The following NKAIN2 variants were observed in gnomAD, a reference collection of about 807,000 sequenced individuals.
NKAIN2 encodes sodium/potassium-transporting ATPase subunit beta-1-interacting protein 2.
A neutral mutation model predicts 32.6 loss-of-function variants in NKAIN2; 14 were observed. That is an observed-to-expected ratio of 0.43 (90% CI 0.28 to 0.67). The LOEUF (loss-of-function observed/expected upper bound fraction) is 0.67, where lower values mean the gene tolerates loss of function less well. Among genes scored for constraint, NKAIN2 ranks in the 30% least tolerant of loss-of-function variants. The probability of loss-of-function intolerance (pLI) is 0.17; values close to 1 mark genes in which losing one functional copy is unlikely to be tolerated. For synonymous variants in NKAIN2, 80 were observed against 87.2 expected (o/e 0.92, Z 0.46); for missense variants, 198 against 258.3 (o/e 0.77, Z 1.60).
chr6:124,565,830 T>A (rs1023185729), intron 3 of NKAIN2, among the ~76,000 whole-genome samples: 2 of 152,200 alleles, frequency 1.3e-5, no homozygotes, highest in African/African-American at 4.8e-5. Context: ...ATATCTTATT[T>A]ACAGAAGGAT....
intron 1 of NKAIN2, among the ~76,000 whole-genome samples, chr6:123,854,594 C>A (rs369566483): frequency 6.6e-6 from 1 of 152,114 alleles, no homozygotes. Flanking sequence ...GTTTCACATA[C>A]GTTATTACAT....
At chr6:123,956,383 C>G (rs1777591926) in intron 1 of NKAIN2, among the ~76,000 whole-genome samples, 1 of 152,098 alleles carries the variant, frequency 6.6e-6, no homozygotes. Flanking sequence ...GGGTGGGACC[C>G]TAACCCAATA....
chr6:124,473,015 T>A (rs1777038747), intron 3 of NKAIN2, among the ~76,000 whole-genome samples: 1 of 152,116 alleles, frequency 6.6e-6, no homozygotes, highest in Non-Finnish European at 1.5e-5. Context: ...TGATTATACA[T>A]CCAACCAGAC....
chr6:123,897,571 G>T (rs1456827959), intron 1 of NKAIN2, among the ~76,000 whole-genome samples: 1 of 152,102 alleles, frequency 6.6e-6, no homozygotes, highest in Non-Finnish European at 1.5e-5. Flanking sequence ...GGGCTGAGAT[G>T]CAGTGTGCAC....
chr6:124,082,812 G>T (rs775096124), intron 1 of NKAIN2, among the ~76,000 whole-genome samples: 2 of 151,830 alleles, frequency 1.3e-5, no homozygotes, highest in Non-Finnish European at 2.9e-5. Flanking sequence ...TTTGCATTGG[G>T]AATTGAGAAA....
chr6:124,417,583 C>T (rs638619), intron 3 of NKAIN2, among the ~76,000 whole-genome samples: 24,601 of 151,966 alleles, frequency 0.16, 2,279 homozygotes, highest in East Asian at 0.24. Context: ...AAATAGTATA[C>T]GTGTTGTAGA....
Position 124,096,774 on chromosome 6 carries a change from C to A in NKAIN2, c.55-186231C>A, listed in dbSNP as rs193245350. On this transcript the variant is annotated intron_variant, in intron 1 of 6. Transcript: ENST00000368417. ...TCTGGAGGCTGAGGCAGGGGAATGG[C>A]GTGAACCTGGGAGGCGGAGCTTGCA... Among the ~76,000 whole-genome samples the A allele has an allele frequency of 9.7e-3, 1,415 of 146,482 alleles. 19 individuals carry two copies. Among genetic ancestry groups the A allele is most frequent in the African/African-American group, 0.034 (1,346 of 39,566 alleles).
At chr6:124,278,068 T>G (rs1292860789) in intron 1 of NKAIN2, among the ~76,000 whole-genome samples, 3 of 152,158 alleles carry the variant, frequency 2.0e-5, no homozygotes, top group Non-Finnish European at 4.4e-5. Flanking sequence ...AAAATGCAAT[T>G]TCTTAAGGAG....
intron 4 of NKAIN2, among the ~76,000 whole-genome samples, chr6:124,683,844 C>T (rs1371534855): frequency 6.6e-6 from 1 of 152,138 alleles, no homozygotes; most frequent in Non-Finnish European, 1.5e-5. Context: ...ATGGCGAGCC[C>T]ACATGGTTCT....
chr6:124,463,887 T>A (rs1446210942), intron 3 of NKAIN2, among the ~76,000 whole-genome samples: 1 of 152,148 alleles, frequency 6.6e-6, no homozygotes, highest in East Asian at 1.9e-4. Context: ...CAAAATATGA[T>A]CTTTAGAAAT....
intron 3 of NKAIN2, among the ~76,000 whole-genome samples, chr6:124,580,663 A>C (rs1338733110): frequency 6.6e-6 from 1 of 152,226 alleles, no homozygotes; most frequent in Non-Finnish European, 1.5e-5. Flanking sequence ...ACCTCTTATC[A>C]ATAACATCGA....
At chr6:124,363,983 C>G (rs1384441847) in intron 3 of NKAIN2, among the ~76,000 whole-genome samples, 1 of 151,586 alleles carries the variant, frequency 6.6e-6, no homozygotes, top group African/African-American at 2.4e-5. Context: ...AACACATAAA[C>G]AATATATTAG....
intron 1 of NKAIN2, among the ~76,000 whole-genome samples, chr6:123,860,572 A>G (rs114781482): frequency 0.011 from 1,721 of 152,022 alleles, 30 homozygotes; most frequent in African/African-American, 0.036. Context: ...CACCATACCC[A>G]GCTAATTTTT....
chr6:124,063,832 C>T (rs568575748), intron 1 of NKAIN2, among the ~76,000 whole-genome samples: 1 of 152,116 alleles, frequency 6.6e-6, no homozygotes, highest in East Asian at 1.9e-4. Context: ...TGGAATTGAG[C>T]AGTATTATAA....
intron 1 of NKAIN2, among the ~76,000 whole-genome samples, chr6:123,844,937 A>G (rs1215533711): frequency 5.9e-5 from 9 of 152,222 alleles, no homozygotes. Context: ...AAGCCAAACA[A>G]AATTACTTAG....
At chr6:123,805,645 A>G (rs951565329) in intron 1 of NKAIN2, among the ~76,000 whole-genome samples, 2 of 152,198 alleles carry the variant, frequency 1.3e-5, no homozygotes, top group Non-Finnish European at 2.9e-5. Flanking sequence ...AAGTTTTGCA[A>G]TGAAGGATTT....
intron 1 of NKAIN2, among the ~76,000 whole-genome samples, chr6:123,965,438 T>TC (rs896870415): frequency 6.6e-6 from 1 of 152,126 alleles, no homozygotes; most frequent in African/African-American, 2.4e-5. Flanking sequence ...ATCATGTTAA[T>TC]CCCCCTCTCT....
intron 3 of NKAIN2, among the ~76,000 whole-genome samples, chr6:124,465,630 T>TAAAAAA (rs5879736): frequency 7.1e-6 from 1 of 140,822 alleles, no homozygotes; most frequent in African/African-American, 2.6e-5. Flanking sequence ...AAAGTAAAGT[T>TAAAAAA]AAAAAAAAAA....
intron 3 of NKAIN2, among the ~76,000 whole-genome samples, chr6:124,408,932 C>T (rs1774007538): frequency 6.6e-6 from 1 of 152,222 alleles, no homozygotes; most frequent in Non-Finnish European, 1.5e-5. Context: ...AAGTTGGATT[C>T]CTAGGTATTT....
Sources: allele counts gnomAD v4.1 joint callset (sites outside exome capture counted in the v4.1 genomes callset), GRCh38; gene constraint gnomAD v4.1.1; transcripts MANE v1.5; gene names NCBI Gene and HGNC (gene_info 2026-07-23, HGNC 2026-07-21).